The following ORC6 variants were observed in gnomAD, a reference collection of about 807,000 sequenced individuals.
ORC6 encodes origin recognition complex subunit 6, also known as origin recognition complex, subunit 6 homolog-like (yeast).
ORC6 carries 31 observed loss-of-function variants against 30.0 expected under a neutral mutation model. That is an observed-to-expected ratio of 1.03 (90% CI 0.78 to 1.40). The LOEUF (loss-of-function observed/expected upper bound fraction) is 1.40. Ranked by LOEUF, ORC6 falls within the 40% of genes most tolerant of loss-of-function variation. The pLI is 0.00. For synonymous variants in ORC6, 136 were observed against 111.2 expected (o/e 1.22, Z -1.40); for missense variants, 340 against 304.3 (o/e 1.12, Z -0.87).
intron 6 of ORC6, among the ~76,000 whole-genome samples, chr16:46,697,082 T>C (rs1966525513): frequency 6.6e-6 from 1 of 152,232 alleles, no homozygotes. Context: ...CTATTTAAAG[T>C]ACTTGGTTCA....
rs1330649245 is a variant in ORC6, at chr16:46,698,273, T to C, written c.*688T>C. The C allele has an allele frequency of 1.3e-5, 6 of 454,830 alleles. No individual in the cohort carries two copies. The highest frequency in any genetic ancestry group is 2.6e-5 in the Non-Finnish European group (6 of 226,452). The allele number at this position is 454,830 out of a possible 1,614,324, so 28.2% of individuals were successfully genotyped here. Reference sequence around the variant, plus strand: ...TGGCAGTCCCTTGTCTTATTCAGAATATAAAATTCAGTCTGAATGGCATCT... The same window carrying C: ...TGGCAGTCCCTTGTCTTATTCAGAACATAAAATTCAGTCTGAATGGCATCT... On this transcript the variant is annotated 3_prime_UTR_variant, in exon 7 of 7. Coordinates refer to ENST00000219097, the MANE Select transcript of ORC6 (RefSeq NM_014321.4).
In ORC6 at chr16:46,691,958, A is replaced by ACACACACACACACACACTCT; in HGVS notation, c.196-423_196-422insACACACACACACACACTCTC. 5.3e-3 allele frequency among the ~76,000 whole-genome samples: 193 copies of ACACACACACACACACACTCT among 36,660 alleles called. 2 individuals are homozygous for ACACACACACACACACACTCT. The highest frequency in any genetic ancestry group is 0.021 in the Middle Eastern group (1 of 48). The allele number at this position is 36,660 out of a possible 152,430, so 24.1% of individuals were successfully genotyped here. A position where few individuals can be genotyped will look rare whatever the true frequency, so the allele number is the denominator to read the frequency against. Reference sequence around the variant, plus strand: ...CACACACACACACACACACACACACACTCTCTCTCTCTCTCTCTCTCTCAC... The same window carrying ACACACACACACACACACTCT: ...CACACACACACACACACACACACACACACACACACACACACACTCTCTCTCTCTCTCTCTCTCTCTCTCAC... On this transcript the variant is annotated intron_variant, in intron 2 of 6. Transcript: ENST00000219097.
chr16:46,696,122 T>C (rs1400366153), intron 6 of ORC6, 37 bp downstream of exon 6: 1 of 1,458,606 alleles, frequency 6.9e-7, no homozygotes, highest in Admixed American at 1.7e-5. Flanking sequence ...GTTGACATTT[T>C]ATGCAGTGAA....
Position 46,697,847 on chromosome 16 carries a change from G to T in ORC6, c.*262G>T. The T allele has an allele frequency of 5.7e-6, 3 of 524,764 alleles. No individual in the cohort carries two copies. The highest frequency in any genetic ancestry group is 1.1e-5 in the Non-Finnish European group (3 of 273,962). 32.5% of individuals were successfully genotyped at this position (524,764 alleles called of 1,614,324 possible). ...ATGGAATTGGAGGCCGGGCGCAGTG[G>T]CTCACGCCTGTAATCCCAGCACTTT... On this transcript the variant is annotated 3_prime_UTR_variant, in exon 7 of 7. Transcript: ENST00000219097.
intron 4 of ORC6, chr16:46,694,533 C>CA (rs1966495845): frequency 7.9e-6 from 1 of 125,954 alleles, no homozygotes; most frequent in Non-Finnish European, 1.7e-5. Context: ...GCTGGCCGGG[C>CA]GGGGGGCTGA....
At chr16:46,697,357 A>G in intron 6 of ORC6, 101 bp from the exon 7 acceptor site, 1 of 1,086,514 alleles carries the variant, frequency 9.2e-7, no homozygotes, top group Non-Finnish European at 1.3e-6. Context: ...ATGTCATTTC[A>G]GTATCTTTTC....
intron 1 of ORC6, 38 bp from the exon 2 acceptor site, chr16:46,690,953 T>C (rs1596732910): frequency 6.2e-7 from 1 of 1,613,516 alleles, no homozygotes; most frequent in East Asian, 2.2e-5. Context: ...AGCAAACTTC[T>C]GAATAAGTTG....
intron 4 of ORC6, chr16:46,694,659 T>G (rs1966500136): frequency 6.8e-6 from 1 of 147,766 alleles, no homozygotes; most frequent in Non-Finnish European, 1.5e-5. Context: ...CACAACACTG[T>G]CTCTTAAAAA....
At chr16:46,695,274 AAATT>A in intron 4 of ORC6, 1 of 352,250 alleles carries the variant, frequency 2.8e-6, no homozygotes, top group Non-Finnish European at 5.2e-6. Flanking sequence ...GTCATTCATT[AAATT>A]AATCTGAGAT....
At chr16:46,693,638 AG>A in intron 4 of ORC6, 1 of 162,330 alleles carries the variant, frequency 6.2e-6, no homozygotes, top group Non-Finnish European at 1.3e-5. Flanking sequence ...CAATCTCTTA[AG>A]AAAAAAAAAA....
intron 2 of ORC6, among the ~76,000 whole-genome samples, chr16:46,691,886 G>A (rs1017218310): frequency 6.7e-6 from 1 of 149,434 alleles, no homozygotes; most frequent in African/African-American, 2.5e-5. Context: ...TCCCACAGTG[G>A]ATCCTCCTGT....
chr16:46,689,933 T>G, intron 1 of ORC6, 163 bp downstream of exon 1: 2 of 971,270 alleles, frequency 2.1e-6, no homozygotes, highest in Non-Finnish European at 2.9e-6. Context: ...TTCTCGGCCG[T>G]GAGCTTGAAT....
rs60635029 is a variant in ORC6 at position 46,698,183 on chromosome 16, G to GGATA, written c.*627_*630dup. 48,314 of 430,108 alleles carry GGATA rather than the reference G, an allele frequency of 0.11. 2,825 individuals carry two copies. Among genetic ancestry groups the GGATA allele is most frequent in the South Asian group, 0.19 (11,383 of 60,570 alleles). 26.6% of individuals were successfully genotyped at this position (430,108 alleles called of 1,614,324 possible). ...CTTATAGATAGATAGATAGATAGAT[G>GGATA]GATAGATAGATAGATAGATAGATAG... On this transcript the variant is annotated 3_prime_UTR_variant, in exon 7 of 7. Coordinates refer to ENST00000219097, the MANE Select transcript of ORC6 (RefSeq NM_014321.4).
intron 4 of ORC6, chr16:46,693,828 T>TTTAA (rs767614465): frequency 7.3e-5 from 9 of 123,014 alleles, no homozygotes; most frequent in Non-Finnish European, 1.0e-4. Context: ...TTTTTTTTTT[T>TTTAA]ACATTTTTTT....
chr16:46,689,811 C>T, intron 1 of ORC6, 41 bp downstream of exon 1: 2 of 1,552,032 alleles, frequency 1.3e-6, no homozygotes, highest in South Asian at 2.3e-5. Flanking sequence ...GCTTCCGCCT[C>T]GCGGCCCTGG....
In ORC6 at chr16:46,697,724, A is replaced by T. The variant is rs749165738; in HGVS notation, c.*139A>T. ...TTGCCTTTAAATAGCAAAGCAGCCT[A>T]CCTGGAGGCTAAGTCTGGGCAGTGG... On this transcript the variant is annotated 3_prime_UTR_variant, in exon 7 of 7. Coordinates refer to ENST00000219097, the MANE Select transcript of ORC6 (RefSeq NM_014321.4). 44 of 944,242 alleles carry T rather than the reference A, an allele frequency of 4.7e-5. 1 individual carries two copies. In the Admixed American group the frequency reaches 7.6e-4, roughly 16 times the overall value. The allele number at this position is 944,242 out of a possible 1,614,324, so 58.5% of individuals were successfully genotyped here.
At chr16:46,691,845 C>T (rs188559419) in intron 2 of ORC6, among the ~76,000 whole-genome samples, 171 of 152,102 alleles carry the variant, frequency 1.1e-3, no homozygotes, top group African/African-American at 4.0e-3. Flanking sequence ...TACATTGAAA[C>T]TTTCCTTAAG....
At chr16:46,695,498 TG>T in intron 4 of ORC6, 63 bp from the exon 5 acceptor site, 4 of 961,986 alleles carry the variant, frequency 4.2e-6, no homozygotes, top group Non-Finnish European at 6.8e-6. Context: ...GTTGATTATC[TG>T]GTTGCCCAGA....
rs1293393111 is a variant in ORC6 at position 46,689,925 on chromosome 16, C to T, written c.65+155C>T. On this transcript the variant is annotated intron_variant, in intron 1 of 6. Transcript: ENST00000219097. The stretch of plus-strand genomic sequence containing the variant: ...TTAGGGCCTACTTCAAGAAAAACTT[C>T]TCGGCCGTGAGCTTGAATGAGATGG... 4 of 1,147,232 alleles carry T rather than the reference C, an allele frequency of 3.5e-6. No homozygotes were observed. The African/African-American group carries it at 4.9e-5, about 14-fold the overall frequency. The allele number at this position is 1,147,232 out of a possible 1,614,324, so 71.1% of individuals were successfully genotyped here.
Sources: allele counts gnomAD v4.1 joint callset (sites outside exome capture counted in the v4.1 genomes callset), GRCh38; gene constraint gnomAD v4.1.1; transcripts MANE v1.5; gene names NCBI Gene and HGNC (gene_info 2026-07-23, HGNC 2026-07-21).